The following BCL7C variants were observed in gnomAD, a reference collection of about 807,000 sequenced individuals.
BCL7C encodes BAF chromatin remodeling complex subunit BCL7C, also known as B-cell CLL/lymphoma 7 protein family member C.
Under a neutral mutation model 26.2 loss-of-function variants are expected in BCL7C, and 8 were observed. The observed-to-expected ratio is 0.30, with a 90% CI of 0.18 to 0.55. BCL7C has a LOEUF of 0.55. BCL7C is among the 20% of genes least tolerant of loss of function. BCL7C has a pLI of 0.93. For synonymous variants in BCL7C, 90 were observed against 116.5 expected, an observed-to-expected ratio of 0.77 and a Z score of 1.47; for missense variants, 262 against 298.5, an observed-to-expected ratio of 0.88 and a Z score of 0.90.
At chr16:30,875,198 T>G in intron 5 of BCL7C, 1 of 154,510 alleles carries the variant, frequency 6.5e-6, no homozygotes, top group Middle Eastern at 5.3e-4. Flanking sequence ...GTGCGGACCC[T>G]GCGGGAGGGT....
At chr16:30,874,316 CTTGAG>C (rs1170574794) in intron 5 of BCL7C, among the ~76,000 whole-genome samples, 1 of 151,898 alleles carries the variant, frequency 6.6e-6, no homozygotes, top group Non-Finnish European at 1.5e-5. Context: ...TATTAAACTC[CTTGAG>C]TTAATTAAAG....
chr16:30,867,541 C>T (rs1484032909), intron 5 of BCL7C, among the ~76,000 whole-genome samples: 2 of 152,080 alleles, frequency 1.3e-5, no homozygotes, highest in Non-Finnish European at 2.9e-5. Context: ...CTCGGCCATC[C>T]CAGCACTTTG....
At chr16:30,841,344 G>A (rs1328374366) in intron 5 of BCL7C, among the ~76,000 whole-genome samples, 2 of 152,116 alleles carry the variant, frequency 1.3e-5, no homozygotes, top group Non-Finnish European at 2.9e-5. Context: ...AATTTGTTGG[G>A]AGCCGAAAAG....
intron 5 of BCL7C, among the ~76,000 whole-genome samples, chr16:30,866,573 TG>T (rs1251154963): frequency 8.2e-5 from 9 of 109,444 alleles, no homozygotes; most frequent in African/African-American, 3.5e-4. Context: ...CGAGACTGTC[TG>T]GAAAAAAAAA....
chr16:30,856,582 T>G (rs1041704832), intron 5 of BCL7C, among the ~76,000 whole-genome samples: 1 of 152,230 alleles, frequency 6.6e-6, no homozygotes, highest in Non-Finnish European at 1.5e-5. Context: ...GTATTCTACG[T>G]TGTGCAGCCA....
chr16:30,884,223 G>A (rs2055090180), downstream of BCL7C, among the ~76,000 whole-genome samples: 1 of 151,800 alleles, frequency 6.6e-6, no homozygotes, highest in African/African-American at 2.4e-5. Context: ...GACCAGGAGA[G>A]AGTCAAGAAT....
chr16:30,876,749 G>A (rs547448083), intron 5 of BCL7C, among the ~76,000 whole-genome samples: 3 of 152,324 alleles, frequency 2.0e-5, no homozygotes, highest in South Asian at 4.1e-4. Context: ...CAGAGGGAAC[G>A]GGAGTGCTAA....
chr16:30,847,796 GA>G (rs1321562954), intron 5 of BCL7C, among the ~76,000 whole-genome samples: 5 of 150,720 alleles, frequency 3.3e-5, no homozygotes, highest in Non-Finnish European at 5.9e-5. Flanking sequence ...ACTCTATCTT[GA>G]AAAAAAACAA....
intron 5 of BCL7C, among the ~76,000 whole-genome samples, chr16:30,844,636 T>C (rs2054623432): frequency 1.3e-5 from 2 of 152,196 alleles, no homozygotes; most frequent in South Asian, 4.1e-4. Context: ...AATGTGGTAT[T>C]TCTACTGGCT....
At chr16:30,836,147 G>T (rs903311685) in intron 5 of BCL7C, among the ~76,000 whole-genome samples, 22 of 152,162 alleles carry the variant, frequency 1.4e-4, no homozygotes, top group African/African-American at 4.3e-4. Context: ...CCAGCTACTT[G>T]GGATGCTGAG....
At chr16:30,885,932 G>A (rs1367942463), downstream of BCL7C, among the ~76,000 whole-genome samples, 1 of 152,090 alleles carries the variant, frequency 6.6e-6, no homozygotes, top group African/African-American at 2.4e-5. Context: ...ACTCACTGCA[G>A]CCTCAACTTC....
At chr16:30,854,468 C>A (rs956482716) in intron 5 of BCL7C, among the ~76,000 whole-genome samples, 3 of 152,140 alleles carry the variant, frequency 2.0e-5, no homozygotes, top group African/African-American at 7.2e-5. Context: ...TTGTAGCCTA[C>A]AACATTGTCC....
At chr16:30,837,021 C>T (rs2054573518) in intron 5 of BCL7C, among the ~76,000 whole-genome samples, 1 of 151,624 alleles carries the variant, frequency 6.6e-6, no homozygotes, top group African/African-American at 2.4e-5. Flanking sequence ...GTCTTGAACT[C>T]CTGACCTCGT....
intron 5 of BCL7C, among the ~76,000 whole-genome samples, chr16:30,881,285 A>C (rs970364896): frequency 6.6e-6 from 1 of 152,008 alleles, no homozygotes; most frequent in Non-Finnish European, 1.5e-5. Flanking sequence ...AATCTCAGCT[A>C]TTTGGGAGGC....
At chr16:30,872,256 G>A (rs1352017305) in intron 5 of BCL7C, among the ~76,000 whole-genome samples, 2 of 152,124 alleles carry the variant, frequency 1.3e-5, no homozygotes, top group African/African-American at 2.4e-5. Context: ...TGTGCTCCAG[G>A]AAAGTGGTCA....
chr16:30,847,732 G>T (rs2054644786), intron 5 of BCL7C, among the ~76,000 whole-genome samples: 2 of 151,822 alleles, frequency 1.3e-5, no homozygotes, highest in Non-Finnish European at 2.9e-5. Context: ...GGAGGCGGAG[G>T]TTGCCAAGAG....
At chr16:30,846,468 C>G (rs1000736694) in intron 5 of BCL7C, among the ~76,000 whole-genome samples, 4 of 151,896 alleles carry the variant, frequency 2.6e-5, no homozygotes, top group Admixed American at 6.6e-5. Flanking sequence ...ACCTCGTGAT[C>G]CGCCCACCTA....
intron 5 of BCL7C, among the ~76,000 whole-genome samples, chr16:30,841,348 C>G (rs1045341182): frequency 6.6e-6 from 1 of 151,996 alleles, no homozygotes; most frequent in African/African-American, 2.4e-5. Flanking sequence ...TGTTGGGAGC[C>G]GAAAAGGCCA....
At chr16:30,853,575 A>C (rs2054695226) in intron 5 of BCL7C, among the ~76,000 whole-genome samples, 1 of 152,172 alleles carries the variant, frequency 6.6e-6, no homozygotes, top group Admixed American at 6.5e-5. Context: ...TTTGCTTGTA[A>C]ACAGATAATG....
Sources: gnomAD v4.1 joint callset for allele counts (sites outside exome capture counted in the v4.1 genomes callset) on GRCh38, gnomAD v4.1.1 for gene constraint, MANE v1.5 for transcripts, NCBI Gene and HGNC (gene_info 2026-07-23, HGNC 2026-07-21) for gene names.